The following POF1B variants were observed in gnomAD, a reference collection of about 807,000 sequenced individuals.
POF1B encodes protein POF1B.
Under a neutral mutation model 55.3 loss-of-function variants are expected in POF1B, and 53 were observed. That is an observed-to-expected ratio of 0.96 (90% CI 0.77 to 1.20). The LOEUF is 1.20. Among genes scored for constraint, POF1B ranks in the 50% most tolerant of loss-of-function variants. The pLI, the probability that POF1B is intolerant of heterozygous loss-of-function variation, is 0.00. For synonymous variants in POF1B, 188 were observed against 148.3 expected (o/e 1.27, Z -1.95); for missense variants, 478 against 420.5 (o/e 1.14, Z -1.20).
chrX:85,311,509 G>A (rs140152630), intron 9 of POF1B, among the ~76,000 whole-genome samples: 2,434 of 111,198 alleles, frequency 0.022, 66 homozygotes, highest in African/African-American at 0.076. Flanking sequence ...CCATGTCCCT[G>A]CAAAGGACAT....
rs746283183 is a variant in POF1B at position 85,371,511 on chromosome X, T to C, written c.283-3745A>G. On this transcript the variant is annotated intron_variant, in intron 2 of 16. Coordinates refer to ENST00000262753, the MANE Select transcript of POF1B (RefSeq NM_024921.4). ...GTAGGATAGGTAACCAGATGGAGAT[T>C]ACACAGCTAATGCTAAGGTGCTGGA... Among the ~76,000 whole-genome samples the C allele has an allele frequency of 4.5e-5, 5 of 111,380 alleles. No individual in the cohort carries two copies. In the East Asian group the frequency reaches 1.4e-3, roughly 32 times the overall value.
At chrX:85,286,546 T>C (rs1198253611) in intron 15 of POF1B, among the ~76,000 whole-genome samples, 1 of 111,424 alleles carries the variant, frequency 9.0e-6, no homozygotes, top group East Asian at 2.8e-4. Context: ...ACAAAAACCA[T>C]ACAATCCTTA....
At chrX:85,358,439 A>G (rs987833573) in intron 4 of POF1B, among the ~76,000 whole-genome samples, 1 of 111,228 alleles carries the variant, frequency 9.0e-6, no homozygotes, top group African/African-American at 3.3e-5. Flanking sequence ...GAGACTGTAT[A>G]GTGTCTTCCC....
intron 5 of POF1B, among the ~76,000 whole-genome samples, chrX:85,350,254 A>G (rs938799082): frequency 4.7e-5 from 5 of 107,368 alleles, no homozygotes; most frequent in Non-Finnish European, 9.7e-5. Flanking sequence ...TCATTGCTCA[A>G]TTCCCACCTA....
At position 85,314,433 on chromosome X, in the gene POF1B, T is replaced by G. The variant is rs1381243728; in HGVS notation, c.956A>C (p.Gln319Pro). Residue 319 changes from glutamine (Q) to proline (P), a missense_variant and splice_region_variant, in exon 9 of 17, where the codon CAG becomes CCG. Transcript: ENST00000262753. ...CATCCACTCTTGACCCCAACTCACC[T>G]GCAGAATGTAGCGTATTTGCTGTTT... The part of the protein sequence containing the change: ...FTKQQIRYIL[Q>P]MRGMSDKSLR... The G allele has an allele frequency of 3.4e-6, 4 of 1,192,776 alleles. No homozygotes were observed. The highest frequency in any genetic ancestry group is 3.1e-5 in the East Asian group (1 of 32,678).
intron 15 of POF1B, among the ~76,000 whole-genome samples, chrX:85,284,460 A>G (rs998176302): frequency 3.6e-5 from 4 of 111,903 alleles, no homozygotes; most frequent in Non-Finnish European, 5.6e-5. Flanking sequence ...AAACAGAAAT[A>G]TAGACCAATG....
At chrX:85,341,989 C>T in intron 6 of POF1B, among the ~76,000 whole-genome samples, 1 of 111,209 alleles carries the variant, frequency 9.0e-6, no homozygotes, top group East Asian at 2.8e-4. Flanking sequence ...GTTGCACACA[C>T]ACTATATACA....
intron 7 of POF1B, among the ~76,000 whole-genome samples, chrX:85,329,038 G>T (rs1318402918): frequency 9.0e-6 from 1 of 111,265 alleles, no homozygotes; most frequent in African/African-American, 3.3e-5. Context: ...TTTAGGGAAG[G>T]CTTTGCAGAA....
chrX:85,326,349 T>A (rs1932896715), intron 7 of POF1B, among the ~76,000 whole-genome samples: 1 of 106,651 alleles, frequency 9.4e-6, no homozygotes, highest in Non-Finnish European at 1.9e-5. Context: ...AGCACAGGGG[T>A]GGGGCACTGG....
Position 85,304,243 on chromosome X carries a change from G to C in POF1B, c.1566+100C>G, listed in dbSNP as rs1932521275. ...TATTTCATTAAATAAAGTGACTCTT[G>C]GATATGTGTCCTTTTCTAGTCCATG... On this transcript the variant is annotated intron_variant, in intron 14 of 16. Transcript: ENST00000262753. 4 of 821,217 alleles carry C rather than the reference G, an allele frequency of 4.9e-6. No individual in the cohort carries two copies. The South Asian group carries it at 2.2e-4, about 46-fold the overall frequency. 67.7% of individuals were successfully genotyped at this position (821,217 alleles called of 1,213,427 possible). A position where few individuals can be genotyped will look rare whatever the true frequency, so the allele number is the denominator to read the frequency against.
In POF1B at chrX:85,379,256, C is replaced by G; in HGVS notation, c.199G>C (p.Asp67His). The change falls in exon 2 of 17, where the codon GAC becomes CAC. Residue 67 changes from aspartate (D) to histidine (H), a missense_variant. Coordinates refer to ENST00000262753, the MANE Select transcript of POF1B (RefSeq NM_024921.4). The part of the protein sequence containing the change: ...GPMNKVVQAL[D>H]PFNSREVLSP... ...AGCACTTCCCGTGAGTTGAAGGGGT[C>G]CAAGGCCTGCACCACCTTGTTCATG... 8.3e-7 allele frequency: 1 copy of G among 1,210,377 alleles called. No homozygotes were observed. Among genetic ancestry groups the G allele is most frequent in the Non-Finnish European group, 1.1e-6 (1 of 895,037 alleles).
In POF1B at chrX:85,379,324, T is replaced by C. The variant is rs774495091; in HGVS notation, c.131A>G (p.Glu44Gly). 7 of 1,210,368 alleles carry C rather than the reference T, an allele frequency of 5.8e-6. No individual in the cohort carries two copies. Among genetic ancestry groups the C allele is most frequent in the Non-Finnish European group, 6.7e-6 (6 of 895,217 alleles). The stretch of plus-strand genomic sequence containing the variant: ...CACTCGCTCATACACTACATTTTTT[T>C]CTGGAGGCTGCTGGGCTTGGCTTGA... ...HQSSQAQQPPEKNVVYERVRT... is the reference protein window; with the variant it reads ...HQSSQAQQPPGKNVVYERVRT... The change falls in exon 2 of 17, where the codon GAA becomes GGA. Residue 44 changes from glutamate (E) to glycine (G), a missense_variant. Glu to Gly is a moderately conservative substitution (Grantham distance 98, BLOSUM62 -2). Transcript: ENST00000262753.
chrX:85,286,608 A>G (rs1932060321), intron 15 of POF1B, among the ~76,000 whole-genome samples: 2 of 111,482 alleles, frequency 1.8e-5, no homozygotes, highest in South Asian at 7.5e-4. Flanking sequence ...ATGGAAACAT[A>G]TGTACCATGC....
intron 15 of POF1B, among the ~76,000 whole-genome samples, chrX:85,296,830 T>C (rs1380384808): frequency 1.8e-5 from 2 of 112,275 alleles, no homozygotes; most frequent in Non-Finnish European, 3.8e-5. Flanking sequence ...TCCTCAAATA[T>C]GTTTTCCAAG....
chrX:85,335,076 T>G (rs1054402029), intron 6 of POF1B, among the ~76,000 whole-genome samples: 2 of 111,330 alleles, frequency 1.8e-5, no homozygotes, highest in Admixed American at 1.9e-4. Flanking sequence ...TTAATTAAAT[T>G]TATTCCTACT....
intron 6 of POF1B, among the ~76,000 whole-genome samples, chrX:85,332,166 C>G (rs759060690): frequency 9.0e-6 from 1 of 111,586 alleles, no homozygotes; most frequent in Non-Finnish European, 1.9e-5. Flanking sequence ...GAAAGTCAGC[C>G]TGATTTGTTA....
intron 7 of POF1B, among the ~76,000 whole-genome samples, chrX:85,319,043 T>C (rs67409560): frequency 0.21 from 23,699 of 110,459 alleles, 2,445 homozygotes; most frequent in African/African-American, 0.4. Context: ...TCTGATTTCT[T>C]TGAGCAGTGT....
At chrX:85,294,364 C>T (rs1349921674) in intron 15 of POF1B, among the ~76,000 whole-genome samples, 4 of 111,564 alleles carry the variant, frequency 3.6e-5, no homozygotes, top group African/African-American at 1.3e-4. Flanking sequence ...TCATAGATGG[C>T]TATTATTATT....
rs183188026 is a variant in POF1B, at chrX:85,290,044, T to C, written c.1650-7727A>G. Among the ~76,000 whole-genome samples, 11 of 111,476 alleles carry C rather than the reference T, an allele frequency of 9.9e-5. No individual in the cohort carries two copies. The East Asian group carries it at 3.1e-3, about 32-fold the overall frequency. ...GTTTACACGATGCTGAGGTTTGTGG[T>C]ATGAATGATCCTATCACCCAAGTAG... On this transcript the variant is annotated intron_variant, in intron 15 of 16. Transcript: ENST00000262753.
Sources: allele counts gnomAD v4.1 joint callset (sites outside exome capture counted in the v4.1 genomes callset), GRCh38; gene constraint gnomAD v4.1.1; transcripts MANE v1.5; gene names NCBI Gene and HGNC (gene_info 2026-07-23, HGNC 2026-07-21).